The following SLIT3 variants were observed in gnomAD, a reference collection of about 807,000 sequenced individuals.
SLIT3 encodes the protein slit guidance ligand 3.
SLIT3 carries 68 observed loss-of-function variants against 184.0 expected under a neutral mutation model. The ratio of observed to expected loss-of-function variants is 0.37; its 90% CI spans 0.30 to 0.45. The LOEUF is 0.45. SLIT3 is among the 20% of genes least tolerant of loss of function. SLIT3 has a pLI of 1.00. For missense variants in SLIT3, 1,707 were observed against 2,026.0 expected (o/e 0.84, Z 3.02); for synonymous variants, 831 against 828.6 (o/e 1.00, Z -0.05).
At chr5:169,290,358 C>T (rs6882648) in intron 1 of SLIT3, among the ~76,000 whole-genome samples, 89,305 of 147,622 alleles carry the variant, frequency 0.6, 26,782 homozygotes, top group South Asian at 0.66. Context: ...TGCTAGGGCA[C>T]GCACTAGTAC....
chr5:169,189,427 A>G (rs1248693655), intron 4 of SLIT3, among the ~76,000 whole-genome samples: 1 of 151,364 alleles, frequency 6.6e-6, no homozygotes, highest in Non-Finnish European at 1.5e-5. Context: ...CCTAAGCTTT[A>G]GAAATAGATT....
At chr5:168,981,938 C>T in intron 4 of SLIT3, among the ~76,000 whole-genome samples, 1 of 152,130 alleles carries the variant, frequency 6.6e-6, no homozygotes. Context: ...TCCCTGAAGA[C>T]ATAAACACTG....
At chr5:169,063,629 G>C (rs1257775602) in intron 4 of SLIT3, among the ~76,000 whole-genome samples, 1 of 152,202 alleles carries the variant, frequency 6.6e-6, no homozygotes, top group Non-Finnish European at 1.5e-5. Flanking sequence ...GAAACAGGGA[G>C]ATCCTAGTGA....
chr5:169,163,612 A>G (rs753675655), intron 4 of SLIT3, among the ~76,000 whole-genome samples: 4 of 152,166 alleles, frequency 2.6e-5, no homozygotes, highest in Non-Finnish European at 5.9e-5. Flanking sequence ...TGACTGAAAA[A>G]TGTTTAATTT....
chr5:168,844,893 C>T (rs913071353), intron 5 of SLIT3: 16 of 331,390 alleles, frequency 4.8e-5, no homozygotes, highest in Admixed American at 9.6e-5. Context: ...ATATTAATTG[C>T]GCATTTTTTT....
chr5:169,003,034 C>T lies in SLIT3; in HGVS notation c.414-119698G>A, dbSNP rs150795421. 2.6e-3 allele frequency among the ~76,000 whole-genome samples: 401 copies of T among 152,300 alleles called. 1 individual carries two copies. The highest frequency in any genetic ancestry group is 9.1e-3 in the African/African-American group (377 of 41,562). On this transcript the variant is annotated intron_variant, in intron 4 of 35. Coordinates refer to ENST00000519560, the MANE Select transcript of SLIT3 (RefSeq NM_003062.4). The stretch of plus-strand genomic sequence containing the variant: ...TTATTCTTTGGGGGAAGGCTGCCTT[C>T]GCTCACAGGTTCTTAAGCTTACTGG...
In SLIT3 at chr5:168,673,280, T is replaced by C. The variant is rs1320941722; in HGVS notation, c.3738A>G (p.Leu1246=). Residue 1246 remains leucine (L), a synonymous_variant, in exon 33 of 36, where the codon CTA becomes CTG. Transcript: ENST00000519560. ...CCACTACTAGGTTCAGGGTCTGGTT[T>C]AGCGTCACCAGCTCCACACTGTGAA... ...GQFHSVELVT[L]NQTLNLVVDK... 1 of 1,614,128 alleles carries C rather than the reference T, an allele frequency of 6.2e-7. No homozygotes were observed. Among genetic ancestry groups the C allele is most frequent in the South Asian group, 1.1e-5 (1 of 91,078 alleles).
intron 4 of SLIT3, among the ~76,000 whole-genome samples, chr5:169,116,830 C>T (rs1760684027): frequency 6.6e-6 from 1 of 152,162 alleles, no homozygotes; most frequent in African/African-American, 2.4e-5. Context: ...TCTGATTCCC[C>T]CACAATCATG....
intron 5 of SLIT3, among the ~76,000 whole-genome samples, chr5:168,865,942 G>A (rs533885719): frequency 1.3e-5 from 2 of 152,062 alleles, no homozygotes; most frequent in Admixed American, 1.3e-4. Flanking sequence ...TTTTTTAATG[G>A]TTTAATTCCT....
chr5:169,095,032 G>A (rs1020393724), intron 4 of SLIT3, among the ~76,000 whole-genome samples: 2 of 152,174 alleles, frequency 1.3e-5, no homozygotes, highest in African/African-American at 4.8e-5. Context: ...AGGAGGACAC[G>A]AAATGACTGC....
intron 4 of SLIT3, among the ~76,000 whole-genome samples, chr5:169,082,531 T>C (rs1351884381): frequency 6.6e-6 from 1 of 152,206 alleles, no homozygotes; most frequent in Non-Finnish European, 1.5e-5. Context: ...ATTCCTATTC[T>C]TCCCACCCCA....
At chr5:168,795,913 T>C (rs1756549350) in intron 9 of SLIT3, among the ~76,000 whole-genome samples, 1 of 152,060 alleles carries the variant, frequency 6.6e-6, no homozygotes, top group Non-Finnish European at 1.5e-5. Flanking sequence ...GAATGCGGAA[T>C]AAGTCAAAGG....
At chr5:169,142,413 A>G (rs546374536) in intron 4 of SLIT3, among the ~76,000 whole-genome samples, 1 of 152,334 alleles carries the variant, frequency 6.6e-6, no homozygotes, top group South Asian at 2.1e-4. Context: ...TGCTGACTCC[A>G]TAATCAGCTT....
chr5:168,789,956 C>T (rs891926), intron 10 of SLIT3: 55,317 of 262,618 alleles, frequency 0.21, 6,519 homozygotes, highest in South Asian at 0.34. Flanking sequence ...TAGGGCCTTA[C>T]GTTTCATTAC....
At chr5:169,234,851 A>AT (rs1024081345) in intron 3 of SLIT3, among the ~76,000 whole-genome samples, 1 of 152,126 alleles carries the variant, frequency 6.6e-6, no homozygotes, top group African/African-American at 2.4e-5. Context: ...CTCACATTTT[A>AT]TTTTTTTAGG....
intron 26 of SLIT3, among the ~76,000 whole-genome samples, chr5:168,705,052 A>G (rs974404431): frequency 1.3e-5 from 2 of 152,178 alleles, no homozygotes; most frequent in African/African-American, 4.8e-5. Flanking sequence ...CATGCATCAC[A>G]TAGGCACAGG....
chr5:169,253,935 C>T (rs1011489161), intron 1 of SLIT3, among the ~76,000 whole-genome samples: 2 of 152,212 alleles, frequency 1.3e-5, no homozygotes, highest in African/African-American at 4.8e-5. Context: ...TCCTTAGTAT[C>T]TAAGTGCAAG....
intron 1 of SLIT3, among the ~76,000 whole-genome samples, chr5:169,296,827 T>C (rs548336282): frequency 4.6e-5 from 7 of 152,210 alleles, no homozygotes; most frequent in Non-Finnish European, 1.0e-4. Context: ...CTCCAGCATG[T>C]TCCAGAGCCA....
At chr5:168,901,657 C>T (rs1760879128) in intron 4 of SLIT3, among the ~76,000 whole-genome samples, 2 of 152,028 alleles carry the variant, frequency 1.3e-5, no homozygotes, top group South Asian at 2.1e-4. Context: ...ATTGAGGCTC[C>T]GAAAGAAAAA....
Sources: gnomAD v4.1 joint callset for allele counts (sites outside exome capture counted in the v4.1 genomes callset) on GRCh38, gnomAD v4.1.1 for gene constraint, MANE v1.5 for transcripts, NCBI Gene and HGNC (gene_info 2026-07-23, HGNC 2026-07-21) for gene names.